Variants in N4BP2 observed in about 807,000 individuals in gnomAD.
N4BP2 encodes NEDD4-binding protein 2.
A neutral mutation model predicts 152.8 loss-of-function variants in N4BP2; 91 were observed. The observed-to-expected ratio is 0.60, with a 90% CI of 0.50 to 0.71. The LOEUF is 0.71. Ranked by LOEUF, N4BP2 falls within the 30% of genes least tolerant of loss-of-function variation. The pLI is 0.00. For synonymous variants in N4BP2, 646 were observed against 705.3 expected, an observed-to-expected ratio of 0.92 and a Z score of 1.33; for missense variants, 1,923 against 2,059.1, an observed-to-expected ratio of 0.93 and a Z score of 1.28.
At position 40,102,284 on chromosome 4, in the gene N4BP2, C is replaced by T. The variant is rs749209325; in HGVS notation, c.439C>T (p.Gln147Ter). The stretch of plus-strand genomic sequence containing the variant: ...AACTGAAGACCTGGATTCCTTAATA[C>T]AGAATGCTTTTGAGAAATTGAACTC... ...QLTEDLDSLI[Q>*]NAFEKLNSSP... Residue 147 changes from glutamine to a stop codon, truncating the protein, a stop_gained, in exon 4 of 18, where the codon CAG becomes TAG. Coordinates refer to ENST00000261435, the MANE Select transcript of N4BP2 (RefSeq NM_018177.6). LOFTEE classifies it high-confidence loss of function. 1 of 1,613,094 alleles carries T rather than the reference C, an allele frequency of 6.2e-7. No homozygotes were observed. Among genetic ancestry groups the T allele is most frequent in the Non-Finnish European group, 8.5e-7 (1 of 1,179,588 alleles).
intron 16 of N4BP2, among the ~76,000 whole-genome samples, chr4:40,145,748 G>A (rs1996559): frequency 0.78 from 119,168 of 152,056 alleles, 46,889 homozygotes; most frequent in East Asian, 0.97. Context: ...AGGATAAGGT[G>A]GTGAAAAAGA....
intron 16 of N4BP2, 32 bp downstream of exon 16, chr4:40,144,832 G>C: frequency 6.4e-7 from 1 of 1,555,910 alleles, no homozygotes; most frequent in Non-Finnish European, 8.7e-7. Context: ...GTTTTCAATA[G>C]AATATATGTC....
chr4:40,149,306 G>T (rs1283911838), intron 16 of N4BP2, among the ~76,000 whole-genome samples: 1 of 152,180 alleles, frequency 6.6e-6, no homozygotes, highest in Non-Finnish European at 1.5e-5. Flanking sequence ...ATTATTCTTT[G>T]TGAAAGATGA....
At chr4:40,094,751 C>T (rs1714948666) in intron 2 of N4BP2, among the ~76,000 whole-genome samples, 1 of 151,312 alleles carries the variant, frequency 6.6e-6, no homozygotes, top group Admixed American at 6.6e-5. Flanking sequence ...GGGGTTTCTC[C>T]ATGTTGGTCA....
chr4:40,072,022 G>A (rs11097015), intron 1 of N4BP2, among the ~76,000 whole-genome samples: 13,938 of 151,416 alleles, frequency 0.092, 1,154 homozygotes, highest in East Asian at 0.41. Flanking sequence ...ATTCTCATGC[G>A]TCAGCCTCCT....
chr4:40,105,920 G>A (rs1716231262), intron 4 of N4BP2, among the ~76,000 whole-genome samples: 1 of 152,128 alleles, frequency 6.6e-6, no homozygotes, highest in Admixed American at 6.6e-5. Context: ...GTCAGAGAAG[G>A]GAAAGCTACA....
At chr4:40,092,511 T>G (rs1714703923) in intron 2 of N4BP2, among the ~76,000 whole-genome samples, 1 of 152,096 alleles carries the variant, frequency 6.6e-6, no homozygotes, top group Non-Finnish European at 1.5e-5. Flanking sequence ...TGGTAATTTC[T>G]GTCTTCTTTT....
At chr4:40,150,312 G>A (rs1241047611) in intron 16 of N4BP2, among the ~76,000 whole-genome samples, 1 of 152,132 alleles carries the variant, frequency 6.6e-6, no homozygotes, top group East Asian at 1.9e-4. Context: ...GGATTTACAG[G>A]GGACAGAGGA....
intron 2 of N4BP2, among the ~76,000 whole-genome samples, chr4:40,079,712 G>A (rs1560575810): frequency 6.6e-6 from 1 of 152,124 alleles, no homozygotes; most frequent in Non-Finnish European, 1.5e-5. Flanking sequence ...TGAGGCAGGA[G>A]GATTGCTTAA....
chr4:40,159,670 G>T (rs1052182848), downstream of N4BP2, among the ~76,000 whole-genome samples: 1 of 152,138 alleles, frequency 6.6e-6, no homozygotes, highest in Non-Finnish European at 1.5e-5. Context: ...TAGCTGCGAG[G>T]GAGGCTGGGA....
Position 40,156,931 on chromosome 4 carries a change from G to T in N4BP2, c.*2694G>T, listed in dbSNP as rs1721647044. The T allele has an allele frequency of 6.6e-6, 1 of 152,006 alleles. No homozygotes were observed. Among genetic ancestry groups the T allele is most frequent in the Non-Finnish European group, 1.5e-5 (1 of 67,976 alleles). The allele number at this position is 152,006 out of a possible 1,614,324, so 9.4% of individuals were successfully genotyped here. A position where few individuals can be genotyped will look rare whatever the true frequency, so the allele number is the denominator to read the frequency against. On this transcript the variant is annotated 3_prime_UTR_variant, in exon 18 of 18. Coordinates refer to ENST00000261435, the MANE Select transcript of N4BP2 (RefSeq NM_018177.6). ...TCTGGTCCTAAGCATTTTGAGTAGG[G>T]GATACTCACTCAACCTGTATATTTG...
At chr4:40,183,375 G>T in the N4BP2 span, among the ~76,000 whole-genome samples, 1 of 145,332 alleles carries the variant, frequency 6.9e-6, no homozygotes, top group Non-Finnish European at 1.5e-5. Context: ...TGGCTCTGTC[G>T]CCCAGGCTGG....
chr4:40,105,222 G>T (rs1040914412), intron 4 of N4BP2, among the ~76,000 whole-genome samples: 3 of 152,084 alleles, frequency 2.0e-5, no homozygotes, highest in Non-Finnish European at 4.4e-5. Flanking sequence ...AAACAATTTT[G>T]TTGTCCTGTG....
intron 2 of N4BP2, among the ~76,000 whole-genome samples, chr4:40,088,502 G>GT (rs199929808): frequency 0.29 from 40,775 of 139,330 alleles, 6,046 homozygotes; most frequent in South Asian, 0.48. Context: ...TCTCATTATA[G>GT]TTTTTTTTTT....
At chr4:40,092,022 A>T (rs1424176340) in intron 2 of N4BP2, among the ~76,000 whole-genome samples, 12 of 115,286 alleles carry the variant, frequency 1.0e-4, no homozygotes, top group African/African-American at 3.8e-4. Flanking sequence ...ATATATATAT[A>T]TATATATATA....
At chr4:40,074,624 A>T (rs907923667) in intron 2 of N4BP2, among the ~76,000 whole-genome samples, 2 of 152,214 alleles carry the variant, frequency 1.3e-5, no homozygotes, top group African/African-American at 4.8e-5. Context: ...CTTTCGTGGT[A>T]TAAGACATGT....
intron 2 of N4BP2, among the ~76,000 whole-genome samples, chr4:40,087,157 A>G (rs1714054728): frequency 6.6e-6 from 1 of 151,994 alleles, no homozygotes; most frequent in Admixed American, 6.6e-5. Context: ...GAGTCAAGTT[A>G]TATTTATTGC....
intron 14 of N4BP2, among the ~76,000 whole-genome samples, chr4:40,141,762 G>A (rs4974966): frequency 0.29 from 44,535 of 152,000 alleles, 6,801 homozygotes; most frequent in South Asian, 0.47. Context: ...GTTGTAGCGA[G>A]CCGAGATCAC....
chr4:40,097,593 C>A, intron 3 of N4BP2, 24 bp downstream of exon 3: 1 of 1,396,702 alleles, frequency 7.2e-7, no homozygotes. Context: ...TAGTTTGAAC[C>A]CTGTCCATCT....
Sources: gnomAD v4.1 joint callset for allele counts (sites outside exome capture counted in the v4.1 genomes callset) on GRCh38, gnomAD v4.1.1 for gene constraint, MANE v1.5 for transcripts, NCBI Gene and HGNC (gene_info 2026-07-23, HGNC 2026-07-21) for gene names.